DYNC2LI1: variants seen among roughly 807,000 people sequenced by gnomAD.
DYNC2LI1 encodes the protein cytoplasmic dynein 2 light intermediate chain 1.
In DYNC2LI1, 45 loss-of-function variants were observed where a neutral mutation model predicts 51.9. The observed-to-expected ratio is 0.87, with a 90% CI of 0.68 to 1.11. The LOEUF (loss-of-function observed/expected upper bound fraction) is 1.11, where lower values mean the gene tolerates loss of function less well. DYNC2LI1 is among the 50% of genes most tolerant of loss of function. The pLI, the probability that DYNC2LI1 is intolerant of heterozygous loss-of-function variation, is 0.00. For missense variants in DYNC2LI1, 490 were observed against 417.4 expected (o/e 1.17, Z -1.51); for synonymous variants, 130 against 137.8 (o/e 0.94, Z 0.40).
At chr2:43,783,154 A>G (rs994373197) in intron 2 of DYNC2LI1, among the ~76,000 whole-genome samples, 1 of 152,192 alleles carries the variant, frequency 6.6e-6, no homozygotes, top group Non-Finnish European at 1.5e-5. Context: ...AACAATTGGA[A>G]TTAAAACATT....
At chr2:43,775,689 TTTC>T in intron 1 of DYNC2LI1, 1 of 395,380 alleles carries the variant, frequency 2.5e-6, no homozygotes, top group South Asian at 1.8e-5. Context: ...CTTTTTTTAT[TTTC>T]TTTTTTTTTT....
At chr2:43,780,049 T>C (rs900522719) in intron 2 of DYNC2LI1, among the ~76,000 whole-genome samples, 1 of 152,026 alleles carries the variant, frequency 6.6e-6, no homozygotes, top group Non-Finnish European at 1.5e-5. Context: ...AGGAGAAAAG[T>C]GAAGGTAGGA....
intron 8 of DYNC2LI1, among the ~76,000 whole-genome samples, chr2:43,799,301 C>G (rs781017743): frequency 2.6e-5 from 4 of 152,114 alleles, no homozygotes; most frequent in African/African-American, 4.8e-5. Flanking sequence ...GACCCCATCT[C>G]TTAAAAAACC....
At chr2:43,819,304 T>C in the DYNC2LI1 span, among the ~76,000 whole-genome samples, 1 of 152,136 alleles carries the variant, frequency 6.6e-6, no homozygotes, top group South Asian at 2.1e-4. Flanking sequence ...TTTTTCCTGG[T>C]TATAAAATGA....
intron 2 of DYNC2LI1, among the ~76,000 whole-genome samples, chr2:43,778,983 C>G (rs1673152950): frequency 6.6e-6 from 1 of 152,152 alleles, no homozygotes; most frequent in East Asian, 1.9e-4. Flanking sequence ...CTGCTGAGTG[C>G]AGTAGCTCAT....
chr2:43,810,696 A>G (rs1395698128), downstream of DYNC2LI1, among the ~76,000 whole-genome samples: 1 of 152,196 alleles, frequency 6.6e-6, no homozygotes, highest in African/African-American at 2.4e-5. Context: ...TTCATAAATT[A>G]TTTGCAGTAC....
In DYNC2LI1 at chr2:43,795,895, T is replaced by C. The variant is rs771678612; in HGVS notation, c.513T>C (p.His171=). The C allele has an allele frequency of 6.2e-7, 1 of 1,611,808 alleles. No homozygotes were observed. Among genetic ancestry groups the C allele is most frequent in the Non-Finnish European group, 8.5e-7 (1 of 1,178,084 alleles). The change falls in exon 7 of 13, where the codon CAT becomes CAC. Residue 171 remains histidine, a synonymous_variant. Coordinates refer to ENST00000260605, the MANE Select transcript of DYNC2LI1 (RefSeq NM_016008.4). ...WNNMPKDHPD[H]ELIDPFPVPL... ...GGAAATATGTTTATTAGCAGGATCA[T>C]GAATTAATTGACCCATTTCCGGTAC...
chr2:43,776,776 A>G lies in DYNC2LI1; in HGVS notation c.9-6A>G, dbSNP rs1360378532. 2.0e-6 allele frequency: 3 copies of G among 1,503,114 alleles called. No homozygotes were observed. Among genetic ancestry groups the G allele is most frequent in the Non-Finnish European group, 2.7e-6 (3 of 1,099,286 alleles). The allele number at this position is 1,503,114 out of a possible 1,614,324, so 93.1% of individuals were successfully genotyped here. On this transcript the variant is annotated splice_region_variant and splice_polypyrimidine_tract_variant and intron_variant, in intron 1 of 12. Coordinates refer to ENST00000260605, the MANE Select transcript of DYNC2LI1 (RefSeq NM_016008.4). Reference sequence around the variant, plus strand: ...CTCAATTTTGTTTTTTCTGCCTCTCATGTAGTGAAACTCTCTGGGAAATTG... The same window carrying G: ...CTCAATTTTGTTTTTTCTGCCTCTCGTGTAGTGAAACTCTCTGGGAAATTG...
chr2:43,813,771 G>A (rs150321642), downstream of DYNC2LI1, among the ~76,000 whole-genome samples: 2 of 130,762 alleles, frequency 1.5e-5, no homozygotes, highest in African/African-American at 5.8e-5. Context: ...AGGCTGGAGT[G>A]CAGTGGCTCG....
At position 43,776,771 on chromosome 2, in the gene DYNC2LI1, C is replaced by G. The variant is rs761537187; in HGVS notation, c.9-11C>G. On this transcript the variant is annotated splice_polypyrimidine_tract_variant and intron_variant, in intron 1 of 12. Coordinates refer to ENST00000260605, the MANE Select transcript of DYNC2LI1 (RefSeq NM_016008.4). ...TTTCCCTCAATTTTGTTTTTTCTGC[C>G]TCTCATGTAGTGAAACTCTCTGGGA... 2.1e-6 allele frequency: 3 copies of G among 1,420,934 alleles called. No homozygotes were observed. In the African/African-American group the frequency reaches 4.4e-5, roughly 21 times the overall value. The allele number at this position is 1,420,934 out of a possible 1,614,324, so 88.0% of individuals were successfully genotyped here.
the DYNC2LI1 span, among the ~76,000 whole-genome samples, chr2:43,817,534 C>T: frequency 1.3e-5 from 2 of 151,772 alleles, no homozygotes; most frequent in Non-Finnish European, 2.9e-5. Context: ...ACCTCCTTTT[C>T]CTAAAACCCT....
intron 5 of DYNC2LI1, chr2:43,792,837 A>C (rs1023433362): frequency 6.6e-7 from 1 of 1,505,754 alleles, no homozygotes; most frequent in African/African-American, 1.4e-5. Flanking sequence ...GATTTCCCTC[A>C]CTTCTAAGGC....
Position 43,801,239 on chromosome 2 carries a change from G to C in DYNC2LI1, c.731+322G>C, listed in dbSNP as rs888251813. On this transcript the variant is annotated intron_variant, in intron 9 of 12. Transcript: ENST00000260605. The stretch of plus-strand genomic sequence containing the variant: ...CAACCAAAATGTTACATAACATTTA[G>C]TTTGAGGCTGGAATAAAATAATGAT... 4 of 155,950 alleles carry C rather than the reference G, an allele frequency of 2.6e-5. No individual in the cohort carries two copies. The South Asian group carries it at 8.3e-4, about 32-fold the overall frequency. The allele number at this position is 155,950 out of a possible 1,614,324, so 9.7% of individuals were successfully genotyped here. A position where few individuals can be genotyped will look rare whatever the true frequency, so the allele number is the denominator to read the frequency against.
At chr2:43,819,800 AGG>A in the DYNC2LI1 span, 8 of 1,114,434 alleles carry the variant, frequency 7.2e-6, no homozygotes, top group Non-Finnish European at 9.5e-6. Context: ...CTAGACTATA[AGG>A]TAATATCCAT....
At chr2:43,808,140 C>T (rs930753893) in intron 12 of DYNC2LI1, among the ~76,000 whole-genome samples, 3 of 151,980 alleles carry the variant, frequency 2.0e-5, no homozygotes, top group Non-Finnish European at 4.4e-5. Flanking sequence ...ATCTTTAAAA[C>T]CGCAAGTGGT....
chr2:43,785,536 T>C (rs1212756700), intron 3 of DYNC2LI1, among the ~76,000 whole-genome samples: 2 of 151,418 alleles, frequency 1.3e-5, no homozygotes, highest in African/African-American at 4.8e-5. Context: ...GAGTTCGAGA[T>C]CAGCCTGGCC....
At chr2:43,793,729 C>T (rs891714568) in intron 5 of DYNC2LI1, 31 of 152,064 alleles carry the variant, frequency 2.0e-4, no homozygotes, top group Non-Finnish European at 7.3e-5. Flanking sequence ...ACATGAGCCA[C>T]CATCCCTGGC....
At chr2:43,798,459 A>T (rs1400255244) in intron 8 of DYNC2LI1, among the ~76,000 whole-genome samples, 1 of 152,238 alleles carries the variant, frequency 6.6e-6, no homozygotes, top group African/African-American at 2.4e-5. Flanking sequence ...GTACAGAGGT[A>T]AAGATCTTGC....
intron 10 of DYNC2LI1, among the ~76,000 whole-genome samples, chr2:43,802,805 A>G (rs1666117746): frequency 6.6e-6 from 1 of 152,224 alleles, no homozygotes; most frequent in African/African-American, 2.4e-5. Context: ...AGTGTTTAGA[A>G]TATATAAACT....
Sources: gnomAD v4.1 joint callset for allele counts (sites outside exome capture counted in the v4.1 genomes callset) on GRCh38, gnomAD v4.1.1 for gene constraint, MANE v1.5 for transcripts, NCBI Gene and HGNC (gene_info 2026-07-23, HGNC 2026-07-21) for gene names.